AACS: variants seen among roughly 807,000 people sequenced by gnomAD.
AACS encodes the protein acetoacetate-CoA ligase.
In AACS, 69 loss-of-function variants were observed where a neutral mutation model predicts 83.1. That is an observed-to-expected ratio of 0.83 (90% CI 0.68 to 1.01). The LOEUF (loss-of-function observed/expected upper bound fraction) is 1.01, where lower values mean the gene tolerates loss of function less well. AACS is among the 50% of genes least tolerant of loss of function. The probability of loss-of-function intolerance (pLI) is 0.00; values close to 1 mark genes in which losing one functional copy is unlikely to be tolerated. For missense variants in AACS, 866 were observed against 882.2 expected, an observed-to-expected ratio of 0.98 and a Z score of 0.23; for synonymous variants, 333 against 343.4, an observed-to-expected ratio of 0.97 and a Z score of 0.33.
At chr12:125,101,505 T>G (rs1956707450) in intron 5 of AACS, 1 of 152,188 alleles carries the variant, frequency 6.6e-6, no homozygotes, top group Admixed American at 6.5e-5. Context: ...TAATTGAAGA[T>G]TCCGAGAACC....
intron 4 of AACS, 95 bp downstream of exon 4, chr12:125,086,538 C>A: frequency 8.9e-7 from 1 of 1,118,534 alleles, no homozygotes; most frequent in Non-Finnish European, 1.3e-6. Context: ...AAGGGGGAGT[C>A]ATGTCATATT....
At chr12:125,107,486 C>T (rs1416977631) in intron 8 of AACS, among the ~76,000 whole-genome samples, 2 of 152,224 alleles carry the variant, frequency 1.3e-5, no homozygotes, top group Admixed American at 1.3e-4. Context: ...TGGCACCTAA[C>T]ACCATGGCGA....
At chr12:125,138,567 AGTT>A (rs1484235789) in intron 17 of AACS, 1 of 152,196 alleles carries the variant, frequency 6.6e-6, no homozygotes, top group Non-Finnish European at 1.5e-5. Context: ...CTGCCAAAAC[AGTT>A]GTTACCAAAC....
chr12:125,139,829 C>CCTCCTTTTCTTCGGAG (rs1957454325), intron 17 of AACS: 1 of 152,260 alleles, frequency 6.6e-6, no homozygotes, highest in Admixed American at 6.5e-5. Flanking sequence ...TGTGGGTCTA[C>CCTCCTTTTCTTCGGAG]CTCCTTTTCT....
Position 125,097,858 on chromosome 12 carries a change from C to T in AACS, c.571-4821C>T, listed in dbSNP as rs569949458. 2.6e-5 allele frequency among the ~76,000 whole-genome samples: 4 copies of T among 152,150 alleles called. No individual in the cohort carries two copies. Among genetic ancestry groups the T allele is most frequent in the South Asian group, 2.1e-4 (1 of 4,824 alleles). On this transcript the variant is annotated intron_variant, in intron 5 of 17. Transcript: ENST00000316519. This position sits in a 1 kb window ranked among gnomAD's most constrained non-coding sequence, Gnocchi z 4.3. ...CACACCCTTTCACTCCCTTCCCTAC[C>T]GTTGGCTGTTCTTGCCGCCTCTCCA...
In AACS at chr12:125,089,145, G is replaced by A. The variant is rs117360446; in HGVS notation, c.473-2281G>A. On this transcript the variant is annotated intron_variant, in intron 4 of 17. Transcript: ENST00000316519. ...CTGACCCTGGGGGTGACAGTGTTGA[G>A]ATGCTTCAGTTTACGCTCATAGCCA... 1.3e-3 allele frequency among the ~76,000 whole-genome samples: 193 copies of A among 152,298 alleles called. 1 individual carries two copies. In the East Asian group the frequency reaches 0.033, roughly 26 times the overall value.
chr12:125,114,332 C>A, intron 8 of AACS, 145 bp from the exon 9 acceptor site: 1 of 617,530 alleles, frequency 1.6e-6, no homozygotes, highest in South Asian at 2.1e-5. Flanking sequence ...GGGAACCCTC[C>A]AAAGTCTGCT....
Position 125,130,260 on chromosome 12 carries a change from G to T in AACS, c.1549+800G>T, listed in dbSNP as rs552205876. ...CTGCCTTGCGTGTTTGCGTTTCACC[G>T]TTAAAGCCATTGTGCCTGGAATAGT... On this transcript the variant is annotated intron_variant, in intron 14 of 17. Coordinates refer to ENST00000316519, the MANE Select transcript of AACS (RefSeq NM_023928.5). This position sits in a 1 kb window ranked among gnomAD's most constrained non-coding sequence, Gnocchi z 4.9. 2.0e-5 allele frequency among the ~76,000 whole-genome samples: 3 copies of T among 152,238 alleles called. No individual in the cohort carries two copies. Among genetic ancestry groups the T allele is most frequent in the African/African-American group, 7.2e-5 (3 of 41,460 alleles).
At chr12:125,066,366 C>T (rs915128729) in intron 1 of AACS, among the ~76,000 whole-genome samples, 11 of 151,658 alleles carry the variant, frequency 7.3e-5, no homozygotes, top group Admixed American at 5.9e-4. Context: ...GTAACCGCTC[C>T]GGGTGCTCTT....
At chr12:125,103,146 G>T in intron 7 of AACS, 65 bp downstream of exon 7, 1 of 1,402,280 alleles carries the variant, frequency 7.1e-7, no homozygotes. Context: ...GGGGAAGTAG[G>T]CCTCTGGATC....
intron 16 of AACS, 56 bp from the exon 17 acceptor site, chr12:125,136,606 C>T (rs1332770620): frequency 3.6e-5 from 54 of 1,513,528 alleles, no homozygotes; most frequent in East Asian, 1.8e-4. Context: ...CTGTGAGGCC[C>T]GACCCCACAC....
chr12:125,104,422 T>G lies in AACS; in HGVS notation c.767+1341T>G, dbSNP rs1356952908. On this transcript the variant is annotated intron_variant, in intron 7 of 17. Transcript: ENST00000316519. The stretch of plus-strand genomic sequence containing the variant: ...GGGGCACCACAAGGTACAAATCATG[T>G]GTCCTGTCCTCCGGGAGTTGCAATC... Among the ~76,000 whole-genome samples the G allele has an allele frequency of 2.6e-5, 4 of 152,326 alleles. No homozygotes were observed. The East Asian group carries it at 7.7e-4, about 29-fold the overall frequency.
At position 125,074,975 on chromosome 12, in the gene AACS, G is replaced by GTTT. The variant is rs34831405; in HGVS notation, c.237+1012_237+1014dup. ...CACCATGCCTGGCCACATTGTCATA[G>GTTT]TTTTTTTTTTTTTTTTTTGAGATGG... On this transcript the variant is annotated intron_variant, in intron 2 of 17. Coordinates refer to ENST00000316519, the MANE Select transcript of AACS (RefSeq NM_023928.5). 1.8e-4 allele frequency among the ~76,000 whole-genome samples: 20 copies of GTTT among 113,520 alleles called. 7 individuals carry two copies. Among genetic ancestry groups the GTTT allele is most frequent in the Non-Finnish European group, 2.8e-4 (16 of 56,804 alleles). The allele number at this position is 113,520 out of a possible 152,430, so 74.5% of individuals were successfully genotyped here.
Position 125,140,470 on chromosome 12 carries a change from C to T in AACS, c.1882-1622C>T, listed in dbSNP as rs569197033. 3.9e-5 allele frequency: 6 copies of T among 152,330 alleles called. No homozygotes were observed. The highest frequency in any genetic ancestry group is 7.2e-5 in the African/African-American group (3 of 41,572). 9.4% of individuals were successfully genotyped at this position (152,330 alleles called of 1,614,324 possible). The stretch of plus-strand genomic sequence containing the variant: ...GTAGCAGGGCACAGAGCAGGCGAGA[C>T]GTTTGCATCTCACAGCGGGAGGGCC... On this transcript the variant is annotated intron_variant, in intron 17 of 17. Coordinates refer to ENST00000316519, the MANE Select transcript of AACS (RefSeq NM_023928.5). This position sits in a 1 kb window ranked among gnomAD's most constrained non-coding sequence, Gnocchi z 5.1.
intron 4 of AACS, among the ~76,000 whole-genome samples, chr12:125,088,233 T>TC (rs1409822979): frequency 6.6e-6 from 1 of 151,494 alleles, no homozygotes; most frequent in African/African-American, 2.4e-5. Flanking sequence ...ACTTTTTTTT[T>TC]TTTTTTTTTT....
At chr12:125,107,658 G>C (rs7311337) in intron 8 of AACS, among the ~76,000 whole-genome samples, 1,554 of 152,296 alleles carry the variant, frequency 0.01, 18 homozygotes, top group African/African-American at 0.036. Context: ...GAATAGACAA[G>C]AATAGATAAT....
chr12:125,084,026 A>G (rs984246360), intron 3 of AACS, among the ~76,000 whole-genome samples: 8 of 152,258 alleles, frequency 5.3e-5, no homozygotes, highest in African/African-American at 1.4e-4. Flanking sequence ...AAAAATGCCA[A>G]TCTTAGAAGG....
At chr12:125,066,450 A>ATT (rs34299644) in intron 1 of AACS, among the ~76,000 whole-genome samples, 16,330 of 106,830 alleles carry the variant, frequency 0.15, 1,766 homozygotes, top group East Asian at 0.23. Flanking sequence ...TTCCTAGGGG[A>ATT]TTTTTTTTTT....
intron 7 of AACS, among the ~76,000 whole-genome samples, chr12:125,103,503 G>C (rs1041402864): frequency 6.6e-6 from 1 of 152,174 alleles, no homozygotes; most frequent in Non-Finnish European, 1.5e-5. Flanking sequence ...TTACACACGT[G>C]CATACGTGCA....
Sources: gnomAD v4.1 joint callset for allele counts (sites outside exome capture counted in the v4.1 genomes callset) on GRCh38, gnomAD v4.1.1 for gene constraint, Gnocchi (gnomAD v3.1) non-coding constraint, MANE v1.5 for transcripts, NCBI Gene and HGNC (gene_info 2026-07-23, HGNC 2026-07-21) for gene names.